Variants in CCSER2 observed in about 807,000 individuals in gnomAD.
The protein encoded by CCSER2 is serine-rich coiled-coil domain-containing protein 2.
Under a neutral mutation model 92.3 loss-of-function variants are expected in CCSER2, and 46 were observed. The observed-to-expected ratio is 0.50, with a 90% CI of 0.39 to 0.64. The LOEUF is 0.64. Ranked by LOEUF, CCSER2 falls within the 30% of genes least tolerant of loss-of-function variation. The pLI is 0.00. For synonymous variants in CCSER2, 433 were observed against 431.4 expected (o/e 1.00, Z -0.04); for missense variants, 1,244 against 1,238.9 (o/e 1.00, Z -0.06).
chr10:84,346,097 T>C (rs1216580799), intron 1 of CCSER2, among the ~76,000 whole-genome samples: 1 of 152,238 alleles, frequency 6.6e-6, no homozygotes, highest in Non-Finnish European at 1.5e-5. Context: ...GGAGTTTCAC[T>C]CTTGTTGCCC....
rs545646950 is a variant in CCSER2 at position 84,331,032 on chromosome 10, G to A, written c.-40+2224G>A. On this transcript the variant is annotated intron_variant, in intron 1 of 9. Coordinates refer to ENST00000372088, the MANE Select transcript of CCSER2 (RefSeq NM_001284240.2). ...TTGTTTTACAATTTGAATGGGAGTTGTGAGCGACTTGGATGTGTTCTGAAA... is the reference window on the plus strand; with the variant it reads ...TTGTTTTACAATTTGAATGGGAGTTATGAGCGACTTGGATGTGTTCTGAAA... Among the ~76,000 whole-genome samples, 236 of 152,322 alleles carry A rather than the reference G, an allele frequency of 1.5e-3. 1 individual carries two copies. Among genetic ancestry groups the A allele is most frequent in the African/African-American group, 5.6e-3 (233 of 41,566 alleles).
At chr10:84,422,476 A>G (rs546966898) in intron 4 of CCSER2, among the ~76,000 whole-genome samples, 1 of 152,316 alleles carries the variant, frequency 6.6e-6, no homozygotes, top group Non-Finnish European at 1.5e-5. Context: ...ATACTTTGCT[A>G]ATCACACTTT....
Position 84,348,500 on chromosome 10 carries a change from A to G in CCSER2, c.-40+19692A>G, listed in dbSNP as rs372960435. Among the ~76,000 whole-genome samples the G allele has an allele frequency of 6.1e-3, 931 of 151,944 alleles. 6 individuals are homozygous for G. Among genetic ancestry groups the G allele is most frequent in the African/African-American group, 0.02 (849 of 41,432 alleles). ...GGGAGAGGGAGACCGTGGGGAGAGGAAGAGGGAGAGGGCAAGGGCGAGGGC... is the reference window on the plus strand; with the variant it reads ...GGGAGAGGGAGACCGTGGGGAGAGGGAGAGGGAGAGGGCAAGGGCGAGGGC... On this transcript the variant is annotated intron_variant, in intron 1 of 9. Transcript: ENST00000372088.
At chr10:84,413,093 C>A (rs912976041) in intron 3 of CCSER2, among the ~76,000 whole-genome samples, 2 of 149,950 alleles carry the variant, frequency 1.3e-5, no homozygotes, top group Admixed American at 1.3e-4. Context: ...AAAAACTGTT[C>A]CTGGATTCAT....
At chr10:84,396,006 ATATT>A (rs1382975969) in intron 3 of CCSER2, among the ~76,000 whole-genome samples, 2 of 152,072 alleles carry the variant, frequency 1.3e-5, no homozygotes, top group Admixed American at 6.6e-5. Context: ...CTTCTCTTCT[ATATT>A]TATTTCTGTA....
intron 9 of CCSER2, among the ~76,000 whole-genome samples, chr10:84,510,375 T>C (rs1341543357): frequency 6.6e-6 from 1 of 152,174 alleles, no homozygotes; most frequent in East Asian, 1.9e-4. Context: ...TTCCCATATG[T>C]TGTTACGCTT....
chr10:84,486,433 A>T (rs1847813702), intron 9 of CCSER2, among the ~76,000 whole-genome samples: 1 of 152,158 alleles, frequency 6.6e-6, no homozygotes, highest in Admixed American at 6.6e-5. Flanking sequence ...AATGATTGCC[A>T]TTCTAACTGG....
intron 6 of CCSER2, among the ~76,000 whole-genome samples, chr10:84,453,865 A>T (rs1845441942): frequency 6.6e-6 from 1 of 152,114 alleles, no homozygotes; most frequent in East Asian, 1.9e-4. Flanking sequence ...TCCTTCTTTA[A>T]TGGTACCCTG....
chr10:84,426,216 A>C (rs1843427994), intron 5 of CCSER2, among the ~76,000 whole-genome samples: 1 of 152,222 alleles, frequency 6.6e-6, no homozygotes, highest in Non-Finnish European at 1.5e-5. Context: ...TAGTTTTTCC[A>C]AATAATATTT....
At chr10:84,370,444 G>T (rs1473173555) in intron 1 of CCSER2, among the ~76,000 whole-genome samples, 1 of 151,914 alleles carries the variant, frequency 6.6e-6, no homozygotes, top group East Asian at 1.9e-4. Flanking sequence ...TTGTTGGTAT[G>T]CTACTGATTT....
intron 9 of CCSER2, among the ~76,000 whole-genome samples, chr10:84,483,458 C>T (rs1364594965): frequency 1.3e-5 from 2 of 150,458 alleles, no homozygotes; most frequent in Non-Finnish European, 3.0e-5. Context: ...ATTTTCCCAT[C>T]ATAAATATTT....
In CCSER2 at chr10:84,494,459, G is replaced by A. The variant is rs150668309; in HGVS notation, c.2325+16795G>A. Among the ~76,000 whole-genome samples, 21 of 152,176 alleles carry A rather than the reference G, an allele frequency of 1.4e-4. No homozygotes were observed. In the East Asian group the frequency reaches 3.7e-3, roughly 27 times the overall value. On this transcript the variant is annotated intron_variant, in intron 9 of 9. Transcript: ENST00000372088. ...AACCTTCTCATCCAGTGACTCATCC[G>A]GTGACTGAGAATGCCTAACCTCCTG...
intron 7 of CCSER2, among the ~76,000 whole-genome samples, chr10:84,465,393 C>T (rs1454508623): frequency 1.4e-5 from 2 of 141,566 alleles, no homozygotes; most frequent in African/African-American, 2.7e-5. Flanking sequence ...GGCGCAATCT[C>T]GGCTCACTGC....
In CCSER2 at chr10:84,447,751, T is replaced by C. The variant is rs184840110; in HGVS notation, c.2064+9044T>C. Reference sequence around the variant, plus strand: ...GTAGAGGTCCACTTTTATTTGTTTTTATCTGTGGGTGATCAGTGGATGGAT... The same window carrying C: ...GTAGAGGTCCACTTTTATTTGTTTTCATCTGTGGGTGATCAGTGGATGGAT... On this transcript the variant is annotated intron_variant, in intron 6 of 9. Coordinates refer to ENST00000372088, the MANE Select transcript of CCSER2 (RefSeq NM_001284240.2). Among the ~76,000 whole-genome samples, 421 of 152,324 alleles carry C rather than the reference T, an allele frequency of 2.8e-3. 2 individuals are homozygous for C. Among genetic ancestry groups the C allele is most frequent in the Admixed American group, 5.9e-3 (90 of 15,308 alleles).
intron 7 of CCSER2, among the ~76,000 whole-genome samples, chr10:84,469,657 A>G (rs1846660247): frequency 6.6e-6 from 1 of 152,138 alleles, no homozygotes; most frequent in South Asian, 2.1e-4. Context: ...TGAAACACAA[A>G]CAACATGGGC....
intron 4 of CCSER2, among the ~76,000 whole-genome samples, chr10:84,422,433 AC>A (rs908093319): frequency 6.6e-6 from 1 of 152,202 alleles, no homozygotes; most frequent in Non-Finnish European, 1.5e-5. Flanking sequence ...TAAGGGTAAA[AC>A]AGAAAATTTG....
At chr10:84,385,552 A>G (rs537120654) in intron 3 of CCSER2, among the ~76,000 whole-genome samples, 4 of 152,336 alleles carry the variant, frequency 2.6e-5, no homozygotes, top group Admixed American at 2.6e-4. Flanking sequence ...TTGGCTAGCC[A>G]TGTGAAGAAG....
chr10:84,381,284 G>A lies in CCSER2; in HGVS notation c.1614+7469G>A, dbSNP rs545200578. Among the ~76,000 whole-genome samples the A allele has an allele frequency of 4.6e-5, 7 of 152,254 alleles. No homozygotes were observed. The South Asian group carries it at 8.3e-4, about 18-fold the overall frequency. On this transcript the variant is annotated intron_variant, in intron 3 of 9. Coordinates refer to ENST00000372088, the MANE Select transcript of CCSER2 (RefSeq NM_001284240.2). ...TTGTTTTACATTTAAGACTTCATCC[G>A]AAGTTGGTATTAGGCACAATAATTT...
intron 5 of CCSER2, among the ~76,000 whole-genome samples, chr10:84,435,414 A>G (rs973418811): frequency 4.6e-5 from 7 of 152,188 alleles, no homozygotes; most frequent in African/African-American, 1.7e-4. Flanking sequence ...CCTGATTCTC[A>G]TGGCGTAGCC....
Sources: allele counts gnomAD v4.1 joint callset (sites outside exome capture counted in the v4.1 genomes callset), GRCh38; gene constraint gnomAD v4.1.1; transcripts MANE v1.5; gene names NCBI Gene and HGNC (gene_info 2026-07-23, HGNC 2026-07-21).